The following PERM1 variants were observed in gnomAD, a reference collection of about 807,000 sequenced individuals.
The protein encoded by PERM1 is PPARGC1 and ESRR induced regulator, muscle 1.
PERM1 carries 45 observed loss-of-function variants against 44.1 expected under a neutral mutation model. The observed-to-expected ratio is 1.02, with a 90% confidence interval of 0.80 to 1.31. The LOEUF is 1.31. Among genes scored for constraint, PERM1 ranks in the 50% most tolerant of loss-of-function variants. The pLI, the probability that PERM1 is intolerant of heterozygous loss-of-function variation, is 0.00. For synonymous variants in PERM1, 565 were observed against 477.1 expected, an observed-to-expected ratio of 1.18 and a Z score of -2.40; for missense variants, 1,189 against 1,106.9, an observed-to-expected ratio of 1.07 and a Z score of -1.05.
chr1:978,934 G>T (rs1020206705), exon 1 of PERM1: 3 of 1,507,892 alleles, frequency 2.0e-6, no homozygotes, highest in Non-Finnish European at 2.7e-6. Flanking sequence ...CTTGAGGGGG[G>T]TCCCAGGCCC....
chr1:981,627 G>T (rs943690922), upstream of PERM1, among the ~76,000 whole-genome samples: 2 of 152,270 alleles, frequency 1.3e-5, no homozygotes, highest in Admixed American at 6.5e-5. Flanking sequence ...GCTGGGCCAG[G>T]CTATTCTCTG....
At chr1:979,544 T>C in exon 1 of PERM1, 1 of 1,549,962 alleles carries the variant, frequency 6.5e-7, no homozygotes, top group Non-Finnish European at 8.7e-7. Flanking sequence ...GGGACTTGGG[T>C]GAGACCCAGT....
At chr1:980,477 T>C in exon 1 of PERM1, 1 of 1,518,972 alleles carries the variant, frequency 6.6e-7, no homozygotes, top group Non-Finnish European at 8.8e-7. Context: ...ACAGCTCGCC[T>C]CTTCTTTCGG....
exon 1 of PERM1, chr1:979,804 C>T: frequency 6.5e-7 from 1 of 1,550,372 alleles, no homozygotes; most frequent in South Asian, 1.2e-5. Context: ...CACATCCAGG[C>T]CATGTTTGGA....
exon 1 of PERM1, chr1:979,757 C>T (rs1344671428): frequency 1.9e-6 from 3 of 1,550,240 alleles, no homozygotes; most frequent in East Asian, 2.4e-5. Flanking sequence ...GATGAAGCCA[C>T]CTCTAGCTTA....
chr1:979,701 C>G, exon 1 of PERM1: 4 of 1,550,308 alleles, frequency 2.6e-6, no homozygotes, highest in Admixed American at 2.0e-5. Flanking sequence ...TAGACACAAG[C>G]CCGCTGGACT....
At chr1:976,778 G>A (rs575233917) in intron 1 of PERM1, 154 bp from the exon 3 acceptor site, 20,762 of 28,274 alleles carry the variant, frequency 0.73, 8,914 homozygotes, top group East Asian at 0.89. Flanking sequence ...CACTCCCCCC[G>A]CCAACCCCGG....
exon 3 of PERM1, chr1:975,933 C>G: frequency 1.9e-6 from 1 of 521,242 alleles, no homozygotes; most frequent in South Asian, 2.7e-5. Flanking sequence ...TCCTACCCAG[C>G]CACCTGCCTG....
exon 2 of PERM1, chr1:976,568 C>G: frequency 6.5e-7 from 1 of 1,549,602 alleles, no homozygotes; most frequent in Non-Finnish European, 8.7e-7. Flanking sequence ...GCTACAAACA[C>G]CAGGCACATG....
chr1:978,871 G>A lies in PERM1; in HGVS notation c.2149+10C>T. On this transcript the variant is annotated intron_variant, in intron 1 of 2. Coordinates refer to ENST00000433179, the Ensembl canonical transcript of PERM1. Reference sequence around the variant, plus strand: ...GATCTGGACGGGCTGTGGGATCCGAGAGCACGTACCTGCCCGTCTAAGAGC... The same window carrying A: ...GATCTGGACGGGCTGTGGGATCCGAAAGCACGTACCTGCCCGTCTAAGAGC... The A allele has an allele frequency of 1.4e-6, 2 of 1,464,458 alleles. No homozygotes were observed. The highest frequency in any genetic ancestry group is 1.4e-5 in the South Asian group (1 of 71,202). The allele number at this position is 1,464,458 out of a possible 1,614,324, so 90.7% of individuals were successfully genotyped here.
At chr1:975,779 C>T (rs1252347749) in exon 3 of PERM1, 9 of 185,212 alleles carry the variant, frequency 4.9e-5, no homozygotes, top group Non-Finnish European at 7.9e-5. Flanking sequence ...CCACTCAGCT[C>T]CCCCTGCACC....
chr1:980,920 T>C, exon 1 of PERM1: 1 of 1,417,602 alleles, frequency 7.1e-7, no homozygotes, highest in Non-Finnish European at 9.1e-7. Flanking sequence ...GGACAAGAGC[T>C]CGTCCCCAGA....
In PERM1 at chr1:979,198, T is replaced by TG. The variant is rs1463280749; in HGVS notation, c.1831dup (p.Gln611ProfsTer31). On this transcript the variant is annotated frameshift_variant, in exon 1 of 3. Coordinates refer to ENST00000433179, the Ensembl canonical transcript of PERM1. LOFTEE classifies it high-confidence loss of function. ...GAAGAACTCGCACATGTCCGGCCAC[T>TG]GGACGCCTGCCGGATCCTGACCGGC... The TG allele has an allele frequency of 1.3e-6, 2 of 1,550,076 alleles. No individual in the cohort carries two copies. The highest frequency in any genetic ancestry group is 1.7e-6 in the Non-Finnish European group (2 of 1,146,782).
chr1:978,128 G>A (rs1209204850), intron 1 of PERM1, among the ~76,000 whole-genome samples: 6 of 70,208 alleles, frequency 8.5e-5, no homozygotes, highest in African/African-American at 2.4e-4. Flanking sequence ...GCACACGGCC[G>A]CCCCGGGAAC....
exon 2 of PERM1, chr1:976,563 A>G: frequency 6.5e-7 from 1 of 1,549,590 alleles, no homozygotes; most frequent in Admixed American, 2.0e-5. Context: ...CAAAAGCTAC[A>G]AACACCAGGC....
intron 1 of PERM1, among the ~76,000 whole-genome samples, chr1:978,250 C>T (rs2100499705): frequency 6.7e-6 from 1 of 149,052 alleles, no homozygotes; most frequent in South Asian, 2.2e-4. Flanking sequence ...CCGCCTGCCC[C>T]AGATACATCC....
At chr1:975,979 A>G (rs1643586438) in exon 3 of PERM1, 1 of 579,314 alleles carries the variant, frequency 1.7e-6, no homozygotes, top group Admixed American at 3.6e-5. Flanking sequence ...CCTCCCTCCC[A>G]GGCGTGGGGA....
At chr1:981,596 G>A (rs114479127), upstream of PERM1, among the ~76,000 whole-genome samples, 1,682 of 152,282 alleles carry the variant, frequency 0.011, 27 homozygotes, top group African/African-American at 0.038. Flanking sequence ...AGCCCTCGGC[G>A]ATGACCTTCC....
rs374701884 is a variant in PERM1, at chr1:980,192, CTG to C, written c.836_837del (p.Thr279SerfsTer16). On this transcript the variant is annotated frameshift_variant, in exon 1 of 3. Coordinates refer to ENST00000433179, the Ensembl canonical transcript of PERM1. LOFTEE classifies it high-confidence loss of function. ...AGGGCTTCCCAGACAGTCGTGGACA[CTG>C]TGTGCAGCTTGGCTCGGCGCGGGGT... 45 of 1,550,462 alleles carry C rather than the reference CTG, an allele frequency of 2.9e-5. No individual in the cohort carries two copies. The East Asian group carries it at 4.4e-4, about 15-fold the overall frequency.
Sources: gnomAD v4.1 joint callset for allele counts (sites outside exome capture counted in the v4.1 genomes callset) on GRCh38, gnomAD v4.1.1 for gene constraint, MANE v1.5 for transcripts, NCBI Gene and HGNC (gene_info 2026-07-23, HGNC 2026-07-21) for gene names.